PSPH: variants seen among roughly 807,000 people sequenced by gnomAD.
PSPH encodes L-3-phosphoserine phosphatase.
PSPH carries 16 observed loss-of-function variants against 23.4 expected under a neutral mutation model. That is an observed-to-expected ratio of 0.68 (90% CI 0.46 to 1.04). The LOEUF is 1.04. PSPH is among the 50% of genes least tolerant of loss of function. The pLI, the probability that PSPH is intolerant of heterozygous loss-of-function variation, is 0.00. For synonymous variants in PSPH, 68 were observed against 99.7 expected (o/e 0.68, Z 1.89); for missense variants, 223 against 273.7 (o/e 0.81, Z 1.31).
chr7:56,022,372 A>G (rs943824798), intron 3 of PSPH, among the ~76,000 whole-genome samples: 47 of 152,140 alleles, frequency 3.1e-4, no homozygotes, highest in Non-Finnish European at 6.3e-4. Context: ...AAGGAGGCAC[A>G]AGTATTTGAG....
chr7:56,011,957 G>C, intron 7 of PSPH, 88 bp from the exon 8 acceptor site: 2 of 1,061,244 alleles, frequency 1.9e-6, no homozygotes, highest in Non-Finnish European at 2.8e-6. Context: ...CCAGGCTGGA[G>C]TGCAGTGACA....
In PSPH at chr7:56,051,260, C is replaced by T. The variant is rs1794010676; in HGVS notation, c.-414G>A. 2 of 153,386 alleles carry T rather than the reference C, an allele frequency of 1.3e-5. No homozygotes were observed. The highest frequency in any genetic ancestry group is 4.8e-5 in the African/African-American group (2 of 41,478). The allele number at this position is 153,386 out of a possible 1,614,324, so 9.5% of individuals were successfully genotyped here. On this transcript the variant is annotated 5_prime_UTR_variant, in exon 1 of 8. Coordinates refer to ENST00000275605, the MANE Select transcript of PSPH (RefSeq NM_004577.4). ...TACGGACGGGCAGGTTCTTACGTCTCAACTCCCATCGCACCAGTCCTGCAG... is the reference window on the plus strand; with the variant it reads ...TACGGACGGGCAGGTTCTTACGTCTTAACTCCCATCGCACCAGTCCTGCAG...
intron 3 of PSPH, among the ~76,000 whole-genome samples, chr7:56,024,858 C>G (rs536929219): frequency 3.8e-4 from 54 of 143,212 alleles, no homozygotes; most frequent in African/African-American, 1.3e-3. Flanking sequence ...GGCTGGAGTG[C>G]AGTGGCACAA....
chr7:56,014,760 G>A (rs1367904235), intron 7 of PSPH, among the ~76,000 whole-genome samples: 1 of 152,042 alleles, frequency 6.6e-6, no homozygotes, highest in Non-Finnish European at 1.5e-5. Context: ...CATGGCCAAC[G>A]TGGCGAAACA....
chr7:56,029,695 T>C (rs1164076039), intron 3 of PSPH, among the ~76,000 whole-genome samples: 1 of 152,122 alleles, frequency 6.6e-6, no homozygotes, highest in Admixed American at 6.6e-5. Flanking sequence ...CCTTACTTCC[T>C]TCACCTTGTT....
At chr7:56,033,893 G>T (rs1791367875) in intron 2 of PSPH, 68 bp downstream of exon 2, 1 of 152,252 alleles carries the variant, frequency 6.6e-6, no homozygotes, top group Non-Finnish European at 1.5e-5. Flanking sequence ...GAGGAAGCCT[G>T]GAAGAGGAAA....
intron 6 of PSPH, 47 bp from the exon 7 acceptor site, chr7:56,015,218 G>T: frequency 6.3e-7 from 1 of 1,598,054 alleles, no homozygotes; most frequent in South Asian, 1.1e-5. Flanking sequence ...AGAAGTATCT[G>T]ACCAATGCCA....
At chr7:56,038,797 C>T (rs989832431) in intron 1 of PSPH, among the ~76,000 whole-genome samples, 1 of 151,912 alleles carries the variant, frequency 6.6e-6, no homozygotes, top group Non-Finnish European at 1.5e-5. Flanking sequence ...GCTAAGATCA[C>T]GCCACTGCAC....
Position 56,011,527 on chromosome 7 carries a change from T to C in PSPH, c.*235A>G, listed in dbSNP as rs2116419482. On this transcript the variant is annotated 3_prime_UTR_variant, in exon 8 of 8. Transcript: ENST00000275605. ...CTGGGCAACAGAGCAAGATTCTGTC[T>C]CAAAAAAAAAAAAAACCTCTCCAGG... is the stretch of plus-strand genomic sequence containing the variant. 3.3e-6 allele frequency: 1 copy of C among 300,724 alleles called. No individual in the cohort carries two copies. The highest frequency in any genetic ancestry group is 3.7e-5 in the South Asian group (1 of 27,380). The allele number at this position is 300,724 out of a possible 1,614,324, so 18.6% of individuals were successfully genotyped here. A position where few individuals can be genotyped will look rare whatever the true frequency, so the allele number is the denominator to read the frequency against.
At chr7:56,050,735 T>C (rs1415805406) in intron 1 of PSPH, among the ~76,000 whole-genome samples, 1 of 152,242 alleles carries the variant, frequency 6.6e-6, no homozygotes, top group Non-Finnish European at 1.5e-5. Context: ...TGTAAGTTTA[T>C]AAATTCAGAA....
intron 4 of PSPH, 111 bp from the exon 5 acceptor site, chr7:56,019,845 A>AT: frequency 7.0e-7 from 1 of 1,422,796 alleles, no homozygotes; most frequent in Non-Finnish European, 9.6e-7. Context: ...TGCTACCAAG[A>AT]GCCCAGTGTG....
intron 1 of PSPH, among the ~76,000 whole-genome samples, chr7:56,044,982 C>T (rs528767056): frequency 2.7e-5 from 4 of 148,008 alleles, no homozygotes; most frequent in Non-Finnish European, 5.9e-5. Context: ...TGAGGCAGGA[C>T]AATCGCTTGA....
intron 1 of PSPH, among the ~76,000 whole-genome samples, chr7:56,046,798 CAAAAAAA>C (rs532617669): frequency 1.5e-5 from 1 of 68,222 alleles, no homozygotes; most frequent in South Asian, 5.6e-4. Flanking sequence ...GACTCCACCT[CAAAAAAA>C]AAAAAAAAAA....
At chr7:56,013,156 T>TAC (rs34329610) in intron 7 of PSPH, among the ~76,000 whole-genome samples, 9,877 of 142,070 alleles carry the variant, frequency 0.07, 537 homozygotes, top group African/African-American at 0.15. Context: ...TGTATGTGTA[T>TAC]ACACACACAC....
intron 3 of PSPH, among the ~76,000 whole-genome samples, chr7:56,024,332 C>G (rs1159103591): frequency 1.3e-5 from 2 of 150,314 alleles, no homozygotes; most frequent in African/African-American, 4.9e-5. Flanking sequence ...CCATCATGGC[C>G]TCTTGAGTAG....
intron 3 of PSPH, among the ~76,000 whole-genome samples, chr7:56,027,211 C>CAAAA (rs11322718): frequency 8.7e-6 from 1 of 115,430 alleles, no homozygotes; most frequent in Non-Finnish European, 1.8e-5. Flanking sequence ...GTCTCAAAAA[C>CAAAA]AAAAAAAAAA....
intron 1 of PSPH, among the ~76,000 whole-genome samples, chr7:56,044,962 C>T (rs1793029266): frequency 6.6e-6 from 1 of 150,460 alleles, no homozygotes; most frequent in Admixed American, 6.6e-5. Flanking sequence ...ATCCCAGCTA[C>T]TCGGGAGGCT....
intron 3 of PSPH, among the ~76,000 whole-genome samples, chr7:56,025,143 A>G (rs977038391): frequency 6.6e-6 from 1 of 151,940 alleles, no homozygotes; most frequent in Non-Finnish European, 1.5e-5. Context: ...TGTCTTTATT[A>G]CATAATTTAT....
rs141368996 is a variant in PSPH, at chr7:56,034,584, C to T, written c.-291-478G>A. Reference sequence around the variant, plus strand: ...GGGCTGGAGTGCAGTGGCACGATCTCGGCTCACTGCAAGCTCCGCCTCCTG... The same window carrying T: ...GGGCTGGAGTGCAGTGGCACGATCTTGGCTCACTGCAAGCTCCGCCTCCTG... On this transcript the variant is annotated intron_variant, in intron 1 of 7. Coordinates refer to ENST00000275605, the MANE Select transcript of PSPH (RefSeq NM_004577.4). 8.0e-3 allele frequency among the ~76,000 whole-genome samples: 1,213 copies of T among 152,192 alleles called. 19 individuals carry two copies. The highest frequency in any genetic ancestry group is 0.028 in the African/African-American group (1,152 of 41,548).
Sources: gnomAD v4.1 joint callset for allele counts (sites outside exome capture counted in the v4.1 genomes callset) on GRCh38, gnomAD v4.1.1 for gene constraint, MANE v1.5 for transcripts, NCBI Gene and HGNC (gene_info 2026-07-23, HGNC 2026-07-21) for gene names.